DLGAP2: variants seen among roughly 807,000 people sequenced by gnomAD.
DLGAP2 encodes the protein disks large-associated protein 2.
DLGAP2 carries 26 observed loss-of-function variants against 100.3 expected under a neutral mutation model. The observed-to-expected ratio is 0.26, with a 90% CI of 0.19 to 0.36. DLGAP2 has a LOEUF of 0.36. DLGAP2 is among the 10% of genes least tolerant of loss of function. The probability of loss-of-function intolerance (pLI) is 1.00; values close to 1 mark genes in which losing one functional copy is unlikely to be tolerated. For synonymous variants in DLGAP2, 886 were observed against 630.1 expected (o/e 1.41, Z -6.08); for missense variants, 1,858 against 1,453.2 (o/e 1.28, Z -4.53).
intron 5 of DLGAP2, among the ~76,000 whole-genome samples, chr8:1,560,774 C>T (rs555821494): frequency 6.6e-5 from 10 of 152,344 alleles, no homozygotes; most frequent in East Asian, 5.8e-4. Context: ...AAAATTCACA[C>T]GGACAAAATG....
intron 6 of DLGAP2, among the ~76,000 whole-genome samples, chr8:1,605,314 C>T (rs912231828): frequency 1.3e-5 from 2 of 152,168 alleles, no homozygotes; most frequent in African/African-American, 4.8e-5. Flanking sequence ...AAGATGGTTA[C>T]CTACTTGATT....
chr8:1,493,347 A>G (rs1799448593), intron 3 of DLGAP2, among the ~76,000 whole-genome samples: 1 of 151,550 alleles, frequency 6.6e-6, no homozygotes, highest in Non-Finnish European at 1.5e-5. Context: ...CTGTGGACCC[A>G]GCGTGTAGAC....
Position 1,552,453 on chromosome 8 carries a change from C to T in DLGAP2, c.1230+2770C>T, listed in dbSNP as rs183335039. ...TGGAAGGATCTATGAAGCTGAATAT[C>T]AGGAGCTGTGTGCAACCTCCTCGGG... On this transcript the variant is annotated intron_variant, in intron 5 of 14. Coordinates refer to ENST00000637795, the MANE Select transcript of DLGAP2 (RefSeq NM_001346810.2). Among the ~76,000 whole-genome samples the T allele has an allele frequency of 9.8e-5, 15 of 152,320 alleles. 1 individual carries two copies. The highest frequency in any genetic ancestry group is 9.2e-4 in the Admixed American group (14 of 15,300).
intron 2 of DLGAP2, among the ~76,000 whole-genome samples, chr8:973,888 TCCGCCACCG>T (rs1354300269): frequency 3.6e-5 from 5 of 139,018 alleles, no homozygotes; most frequent in East Asian, 2.4e-4. Context: ...CTTCCCCTCC[TCCGCCACCG>T]CCGCCACCGC....
intron 2 of DLGAP2, among the ~76,000 whole-genome samples, chr8:1,017,505 T>G (rs1489258257): frequency 3.1e-5 from 3 of 95,260 alleles, no homozygotes; most frequent in Non-Finnish European, 6.1e-5. Context: ...ACTGTGTGTG[T>G]GACCAGGACA....
chr8:1,214,078 C>T (rs372926029), intron 2 of DLGAP2, among the ~76,000 whole-genome samples: 1 of 152,296 alleles, frequency 6.6e-6, no homozygotes, highest in African/African-American at 2.4e-5. Flanking sequence ...TGCCAGGCTC[C>T]TCCCAGGCCT....
chr8:795,236 A>C (rs1374817880), intron 1 of DLGAP2, among the ~76,000 whole-genome samples: 1 of 152,200 alleles, frequency 6.6e-6, no homozygotes, highest in Non-Finnish European at 1.5e-5. Context: ...TTGTCAATCA[A>C]TCAGTGCATA....
At chr8:877,133 C>G (rs544437243) in intron 1 of DLGAP2, among the ~76,000 whole-genome samples, 8 of 152,106 alleles carry the variant, frequency 5.3e-5, no homozygotes, top group Admixed American at 2.0e-4. Flanking sequence ...CTGGTCACTT[C>G]CACAGGTAGT....
intron 13 of DLGAP2, among the ~76,000 whole-genome samples, chr8:1,696,532 A>C (rs1585073718): frequency 6.6e-6 from 1 of 152,158 alleles, no homozygotes; most frequent in East Asian, 1.9e-4. Flanking sequence ...CAGCTGGTGG[A>C]AATCATGTAT....
Position 762,379 on chromosome 8 carries a change from G to A in DLGAP2, c.18+24554G>A, listed in dbSNP as rs550761965. ...GCATATACGTCTTTGTTGCAGAGAA[G>A]TATAACATGATGGATGAGAACTTTC... On this transcript the variant is annotated intron_variant, in intron 1 of 14. Transcript: ENST00000637795. Among the ~76,000 whole-genome samples, 8 of 152,328 alleles carry A rather than the reference G, an allele frequency of 5.3e-5. No individual in the cohort carries two copies. The South Asian group carries it at 1.7e-3, about 32-fold the overall frequency.
intron 10 of DLGAP2, among the ~76,000 whole-genome samples, chr8:1,670,289 C>A (rs891619496): frequency 1.3e-5 from 2 of 152,234 alleles, no homozygotes; most frequent in Non-Finnish European, 2.9e-5. Context: ...GCACGCTCGG[C>A]ACAGTGCCGC....
intron 2 of DLGAP2, among the ~76,000 whole-genome samples, chr8:935,076 G>A (rs544088423): frequency 6.1e-4 from 93 of 152,234 alleles, no homozygotes; most frequent in Non-Finnish European, 7.9e-4. Context: ...ACCGCGAGCT[G>A]TGTAAGTGGC....
At chr8:873,475 C>A (rs774362395) in intron 1 of DLGAP2, among the ~76,000 whole-genome samples, 3 of 152,104 alleles carry the variant, frequency 2.0e-5, no homozygotes, top group African/African-American at 4.8e-5. Flanking sequence ...TTCATAGATG[C>A]CTTTTATTAA....
intron 2 of DLGAP2, among the ~76,000 whole-genome samples, chr8:1,225,240 C>A (rs555094131): frequency 3.9e-5 from 6 of 152,328 alleles, no homozygotes; most frequent in African/African-American, 1.4e-4. Context: ...GAACATTTCT[C>A]AGTTATGAAC....
chr8:1,252,845 C>A (rs944011084), intron 2 of DLGAP2, among the ~76,000 whole-genome samples: 1 of 152,220 alleles, frequency 6.6e-6, no homozygotes, highest in Non-Finnish European at 1.5e-5. Flanking sequence ...TGCTCGGAGA[C>A]TTGGAAGAGG....
At chr8:1,048,395 G>T (rs942644747) in intron 2 of DLGAP2, among the ~76,000 whole-genome samples, 1 of 152,002 alleles carries the variant, frequency 6.6e-6, no homozygotes. Flanking sequence ...GCCTCTCCTG[G>T]TCTCAGTAAG....
intron 1 of DLGAP2, among the ~76,000 whole-genome samples, chr8:822,474 C>T (rs1796601788): frequency 6.6e-6 from 1 of 152,224 alleles, no homozygotes; most frequent in South Asian, 2.1e-4. Context: ...AAAAACTTCT[C>T]ATGCGCACAG....
chr8:1,564,029 A>G (rs1217420939), intron 5 of DLGAP2, among the ~76,000 whole-genome samples: 1 of 152,202 alleles, frequency 6.6e-6, no homozygotes, highest in Admixed American at 6.5e-5. Flanking sequence ...CTCTTCTCCT[A>G]CATGAAAAAC....
At chr8:1,267,885 A>C (rs1799500773) in intron 3 of DLGAP2, among the ~76,000 whole-genome samples, 2 of 152,144 alleles carry the variant, frequency 1.3e-5, no homozygotes. Flanking sequence ...AGTCCTCTGC[A>C]TTTCATAGCC....
Sources: allele counts gnomAD v4.1 joint callset (sites outside exome capture counted in the v4.1 genomes callset), GRCh38; gene constraint gnomAD v4.1.1; transcripts MANE v1.5; gene names NCBI Gene and HGNC (gene_info 2026-07-23, HGNC 2026-07-21).